Variants in PACSIN2 observed in about 807,000 individuals in gnomAD.
The protein encoded by PACSIN2 is protein kinase C and casein kinase substrate in neurons 2, also known as protein kinase C and casein kinase substrate in neurons protein 2.
Under a neutral mutation model 63.8 loss-of-function variants are expected in PACSIN2, and 25 were observed. The observed-to-expected ratio is 0.39, with a 90% confidence interval of 0.29 to 0.55. The LOEUF (loss-of-function observed/expected upper bound fraction) is 0.55, where lower values mean the gene tolerates loss of function less well. Ranked by LOEUF, PACSIN2 falls within the 20% of genes least tolerant of loss-of-function variation. The probability of loss-of-function intolerance (pLI) is 0.62; values close to 1 mark genes in which losing one functional copy is unlikely to be tolerated. For missense variants in PACSIN2, 518 were observed against 646.9 expected, an observed-to-expected ratio of 0.80 and a Z score of 2.16; for synonymous variants, 255 against 256.2, an observed-to-expected ratio of 1.00 and a Z score of 0.05.
Position 42,879,135 on chromosome 22 carries a change from C to T in PACSIN2, c.941G>A (p.Arg314Gln), listed in dbSNP as rs764389146. The T allele has an allele frequency of 5.0e-6, 8 of 1,614,000 alleles. No homozygotes were observed. The highest frequency in any genetic ancestry group is 1.7e-4 in the Middle Eastern group (1 of 6,056). ...GTCAGTGGCCTTCTTCTTCTCTCTC[C>T]GGCTGAGGGTTCGATTCAGGTCTGC... ...WSADLNRTLSRREKKKATDGV... is the reference protein window; with the variant it reads ...WSADLNRTLSQREKKKATDGV... The change falls in exon 8 of 11, where the codon CGG becomes CAG. Residue 314 changes from arginine (R) to glutamine (Q), a missense_variant. Around this residue, in one of 2 missense-constraint regions of PACSIN2, gnomAD observed 507 missense variants for 612.3 expected, o/e 0.83. Coordinates refer to ENST00000263246, the MANE Select transcript of PACSIN2 (RefSeq NM_001184970.3).
chr22:42,949,858 A>G (rs1405331909), intron 1 of PACSIN2, among the ~76,000 whole-genome samples: 1 of 152,266 alleles, frequency 6.6e-6, no homozygotes, highest in Admixed American at 6.5e-5. Flanking sequence ...ATATCAAGCC[A>G]AGGAAATTGA....
intron 1 of PACSIN2, among the ~76,000 whole-genome samples, chr22:42,998,601 T>C (rs1353565263): frequency 1.3e-5 from 2 of 152,232 alleles, no homozygotes; most frequent in Non-Finnish European, 2.9e-5. Context: ...AATTCAAGTT[T>C]TAAAGTAAAC....
chr22:42,962,775 C>CGGGGGGGG (rs1555936911), intron 1 of PACSIN2, among the ~76,000 whole-genome samples: 7 of 16,398 alleles, frequency 4.3e-4, no homozygotes, highest in African/African-American at 1.1e-3. Flanking sequence ...AAGGTGTGGG[C>CGGGGGGGG]GGGGGGGGGG....
intron 1 of PACSIN2, among the ~76,000 whole-genome samples, chr22:42,954,277 C>A (rs1933822700): frequency 6.6e-6 from 1 of 152,186 alleles, no homozygotes; most frequent in South Asian, 2.1e-4. Flanking sequence ...GCAAAAAGCA[C>A]ATAAAGGAAG....
intron 2 of PACSIN2, among the ~76,000 whole-genome samples, chr22:42,894,250 G>GTTT (rs35729516): frequency 1.3e-5 from 2 of 148,988 alleles, no homozygotes; most frequent in Non-Finnish European, 3.0e-5. Context: ...GAAGGCAATT[G>GTTT]TTTTTTTTTT....
intron 1 of PACSIN2, among the ~76,000 whole-genome samples, chr22:42,916,595 C>G (rs531299484): frequency 2.0e-5 from 3 of 152,050 alleles, no homozygotes; most frequent in Admixed American, 2.0e-4. Flanking sequence ...CCTGGCTCCC[C>G]GCTCTCACCC....
chr22:42,912,211 A>T lies in PACSIN2; in HGVS notation c.-77-54T>A. ...GTTTTTAAATTCCCAAGGTAAAGAA[A>T]CAAGTCATCTCTATTTCACAACTTC... On this transcript the variant is annotated intron_variant, in intron 1 of 10. Coordinates refer to ENST00000263246, the MANE Select transcript of PACSIN2 (RefSeq NM_001184970.3). The T allele has an allele frequency of 4.9e-6, 3 of 613,668 alleles. No individual in the cohort carries two copies. The South Asian group carries it at 6.6e-5, about 14-fold the overall frequency. The allele number at this position is 613,668 out of a possible 1,614,324, so 38.0% of individuals were successfully genotyped here. A position where few individuals can be genotyped will look rare whatever the true frequency, so the allele number is the denominator to read the frequency against.
intron 2 of PACSIN2, among the ~76,000 whole-genome samples, chr22:42,905,722 G>A (rs905917275): frequency 1.7e-4 from 26 of 152,208 alleles, no homozygotes; most frequent in Admixed American, 7.9e-4. Context: ...TGACAGATTC[G>A]ACGGCCTGCA....
chr22:42,922,093 A>T (rs766224580), intron 1 of PACSIN2, among the ~76,000 whole-genome samples: 6 of 152,222 alleles, frequency 3.9e-5, no homozygotes, highest in Non-Finnish European at 5.9e-5. Flanking sequence ...TGAGGTATTG[A>T]AAACAGTTCC....
Position 42,882,085 on chromosome 22 carries a change from C to CT in PACSIN2, c.906+98dup. On this transcript the variant is annotated intron_variant, in intron 7 of 10. Coordinates refer to ENST00000263246, the MANE Select transcript of PACSIN2 (RefSeq NM_001184970.3). ...GGCTGCCTGATAAACAGGGCAAACACTAACATAGAGTCTAGAATGAGAAAG... is the reference window on the plus strand; with the variant it reads ...GGCTGCCTGATAAACAGGGCAAACACTTAACATAGAGTCTAGAATGAGAAAG... The CT allele has an allele frequency of 2.1e-6, 3 of 1,408,406 alleles. No individual in the cohort carries two copies. In the South Asian group the frequency reaches 3.5e-5, roughly 16 times the overall value. The allele number at this position is 1,408,406 out of a possible 1,614,324, so 87.2% of individuals were successfully genotyped here.
intron 1 of PACSIN2, among the ~76,000 whole-genome samples, chr22:42,935,359 C>T (rs906915425): frequency 2.6e-5 from 4 of 152,020 alleles, no homozygotes. Context: ...TCCCATGGGG[C>T]GGGGTGGGGG....
chr22:42,910,644 T>C (rs1174435129), intron 2 of PACSIN2, among the ~76,000 whole-genome samples: 1 of 152,222 alleles, frequency 6.6e-6, no homozygotes, highest in African/African-American at 2.4e-5. Context: ...CCTGTTTGGC[T>C]GTCACTGCTC....
chr22:42,879,559 G>A (rs1442003978), intron 7 of PACSIN2, among the ~76,000 whole-genome samples: 4 of 152,186 alleles, frequency 2.6e-5, no homozygotes, highest in African/African-American at 9.7e-5. Context: ...GGCCAGCATG[G>A]GCCCCTGTGG....
chr22:43,010,996 G>C (rs534234407), intron 1 of PACSIN2, among the ~76,000 whole-genome samples: 1 of 152,316 alleles, frequency 6.6e-6, no homozygotes, highest in East Asian at 1.9e-4. Context: ...GTATTGTGCA[G>C]AATAATTTGA....
intron 1 of PACSIN2, among the ~76,000 whole-genome samples, chr22:42,919,794 A>AAGAAAG (rs1555918000): frequency 2.0e-4 from 21 of 105,276 alleles, no homozygotes; most frequent in East Asian, 1.0e-3. Context: ...AAAAAAAAAA[A>AAGAAAG]AAAGAAAGAA....
chr22:42,923,332 T>C (rs527905543), intron 1 of PACSIN2, among the ~76,000 whole-genome samples: 45 of 152,330 alleles, frequency 3.0e-4, no homozygotes, highest in African/African-American at 8.2e-4. Context: ...CTTAAGTCCC[T>C]TGTGCAGAGT....
chr22:42,900,004 T>C (rs989186126), intron 2 of PACSIN2, among the ~76,000 whole-genome samples: 2 of 152,220 alleles, frequency 1.3e-5, no homozygotes, highest in South Asian at 2.1e-4. Flanking sequence ...GGAACGGTTA[T>C]TGATGAGCGA....
At chr22:42,925,254 C>T (rs1003085000) in intron 1 of PACSIN2, among the ~76,000 whole-genome samples, 7 of 152,050 alleles carry the variant, frequency 4.6e-5, no homozygotes, top group Middle Eastern at 6.8e-3. Context: ...CCGAGGCTGG[C>T]GGATCACTTG....
At chr22:42,900,638 A>C (rs1224539146) in intron 2 of PACSIN2, among the ~76,000 whole-genome samples, 2 of 152,042 alleles carry the variant, frequency 1.3e-5, no homozygotes, top group Admixed American at 1.3e-4. Context: ...ACACCTGGCT[A>C]ATTTTTTATA....
Sources: gnomAD v4.1 joint callset for allele counts (sites outside exome capture counted in the v4.1 genomes callset) on GRCh38, gnomAD v4.1.1 for gene constraint, gnomAD v4.1.1 regional missense constraint, MANE v1.5 for transcripts, NCBI Gene and HGNC (gene_info 2026-07-23, HGNC 2026-07-21) for gene names.